SLC39A14: variants seen among roughly 807,000 people sequenced by gnomAD.
SLC39A14 encodes the protein metal cation symporter ZIP14.
A neutral mutation model predicts 45.5 loss-of-function variants in SLC39A14; 19 were observed. The observed-to-expected ratio is 0.42, with a 90% CI of 0.29 to 0.61. The LOEUF (loss-of-function observed/expected upper bound fraction) is 0.61. Ranked by LOEUF, SLC39A14 falls within the 20% of genes least tolerant of loss-of-function variation. SLC39A14 has a pLI of 0.22. For missense variants in SLC39A14, 447 were observed against 616.5 expected (o/e 0.73, Z 2.91); for synonymous variants, 264 against 251.3 (o/e 1.05, Z -0.48).
chr8:22,425,889 G>GTTTTT (rs549782856), downstream of SLC39A14, among the ~76,000 whole-genome samples: 6 of 76,270 alleles, frequency 7.9e-5, no homozygotes, highest in South Asian at 6.1e-4. Context: ...GATGGTTTTT[G>GTTTTT]TTTTTTTTTT....
chr8:22,404,591 G>A (rs1258215546), intron 1 of SLC39A14, 105 bp from the exon 2 acceptor site: 1 of 1,065,440 alleles, frequency 9.4e-7, no homozygotes, highest in African/African-American at 1.6e-5. Context: ...GAGAAGCAGA[G>A]ACTGAGGGAT....
chr8:22,429,250 C>G (rs193249750), intron 8 of SLC39A14, among the ~76,000 whole-genome samples: 202 of 152,104 alleles, frequency 1.3e-3, no homozygotes, highest in African/African-American at 4.7e-3. Context: ...CCAGCCTGGG[C>G]GACAGAGCCA....
intron 5 of SLC39A14, 60 bp from the exon 6 acceptor site, chr8:22,415,708 GC>G: frequency 2.0e-6 from 3 of 1,511,944 alleles, no homozygotes; most frequent in Admixed American, 4.2e-5. Flanking sequence ...TGGAGCAGGT[GC>G]TCAATCAGGT....
chr8:22,415,425 T>C (rs952923292), intron 5 of SLC39A14: 1 of 226,314 alleles, frequency 4.4e-6, no homozygotes, highest in African/African-American at 2.3e-5. Flanking sequence ...AGCTTTGATA[T>C]CTGTCTGACA....
chr8:22,425,791 A>ATGG (rs2132397796), downstream of SLC39A14, among the ~76,000 whole-genome samples: 1 of 129,966 alleles, frequency 7.7e-6, no homozygotes, highest in South Asian at 3.0e-4. Context: ...AGATTCCAAG[A>ATGG]TGGTAGCATC....
chr8:22,417,579 C>G (rs957216601), intron 7 of SLC39A14, 72 bp from the exon 8 acceptor site: 3 of 1,280,500 alleles, frequency 2.3e-6, no homozygotes, highest in South Asian at 2.7e-5. Context: ...GCTGGGATGA[C>G]AGGTGTGCAT....
intron 1 of SLC39A14, among the ~76,000 whole-genome samples, chr8:22,374,283 T>C (rs1201389547): frequency 6.6e-6 from 1 of 152,088 alleles, no homozygotes; most frequent in Non-Finnish European, 1.5e-5. Context: ...GGCGCTCAGC[T>C]AAGAGAGCTG....
At chr8:22,416,035 T>C in intron 6 of SLC39A14, 38 bp from the exon 7 acceptor site, 1 of 1,611,770 alleles carries the variant, frequency 6.2e-7, no homozygotes, top group South Asian at 1.1e-5. Context: ...TGGTCCAGCC[T>C]TTGACGCTGT....
chr8:22,415,519 C>T (rs1446566824), intron 5 of SLC39A14: 11 of 422,372 alleles, frequency 2.6e-5, no homozygotes, highest in Non-Finnish European at 4.6e-5. Flanking sequence ...TGCTCTCAAA[C>T]TTCTCAGCTC....
At chr8:22,402,268 C>T (rs1834916351) in intron 1 of SLC39A14, among the ~76,000 whole-genome samples, 1 of 152,062 alleles carries the variant, frequency 6.6e-6, no homozygotes, top group Admixed American at 6.5e-5. Context: ...GCCTGTAGTC[C>T]CAGCTACTTG....
At chr8:22,382,283 C>T (rs965705526) in intron 1 of SLC39A14, among the ~76,000 whole-genome samples, 19 of 152,036 alleles carry the variant, frequency 1.2e-4, no homozygotes, top group African/African-American at 4.3e-4. Context: ...AATTTTTAAC[C>T]TATCAAATTA....
intron 1 of SLC39A14, among the ~76,000 whole-genome samples, chr8:22,379,124 CG>C (rs1227467061): frequency 3.3e-5 from 5 of 152,182 alleles, no homozygotes; most frequent in African/African-American, 1.2e-4. Context: ...TCTGTCTTCA[CG>C]TGGCCTTCCC....
chr8:22,422,730 T>C lies in SLC39A14; in HGVS notation c.*3032T>C, dbSNP rs1198454735. The stretch of plus-strand genomic sequence containing the variant: ...CAATAAATGTGGATGTAATGAAGGC[T>C]GTTGAACACAAGGTGGCGATGGTGT... On this transcript the variant is annotated 3_prime_UTR_variant, in exon 9 of 9. Coordinates refer to ENST00000381237, the MANE Select transcript of SLC39A14 (RefSeq NM_001128431.4). 3 of 984,970 alleles carry C rather than the reference T, an allele frequency of 3.0e-6. No homozygotes were observed. The highest frequency in any genetic ancestry group is 3.5e-5 in the African/African-American group (2 of 57,248). The allele number at this position is 984,970 out of a possible 1,614,324, so 61.0% of individuals were successfully genotyped here.
intron 1 of SLC39A14, among the ~76,000 whole-genome samples, chr8:22,384,273 G>T (rs947851886): frequency 1.3e-5 from 2 of 152,138 alleles, no homozygotes; most frequent in Non-Finnish European, 2.9e-5. Flanking sequence ...GCCTGTACTT[G>T]TGGACTTTCC....
intron 1 of SLC39A14, among the ~76,000 whole-genome samples, chr8:22,383,358 C>T (rs1297771746): frequency 1.3e-5 from 2 of 152,100 alleles, no homozygotes; most frequent in Admixed American, 6.6e-5. Context: ...CTCATCCACC[C>T]GCACAGGGAT....
At chr8:22,426,429 GCAATC>G (rs1427426047), downstream of SLC39A14, among the ~76,000 whole-genome samples, 11 of 152,126 alleles carry the variant, frequency 7.2e-5, no homozygotes, top group African/African-American at 2.7e-4. Context: ...CAGGGCTCAA[GCAATC>G]CTCCTGACTA....
At chr8:22,407,274 A>G (rs2132320805) in intron 2 of SLC39A14, among the ~76,000 whole-genome samples, 1 of 152,346 alleles carries the variant, frequency 6.6e-6, no homozygotes, top group Middle Eastern at 3.4e-3. Flanking sequence ...GCATTTTAAC[A>G]TAATAGCTCC....
At position 22,382,063 on chromosome 8, in the gene SLC39A14, C is replaced by G. The variant is rs184174079; in HGVS notation, c.-16+14655C>G. ...GGCTGAGGCAGGAGAATCGCCTAAA[C>G]CCAGGGAGGGGGAGGTTGCAGTGAG... On this transcript the variant is annotated intron_variant, in intron 1 of 8. Coordinates refer to ENST00000381237, the MANE Select transcript of SLC39A14 (RefSeq NM_001128431.4). Among the ~76,000 whole-genome samples, 1,089 of 152,030 alleles carry G rather than the reference C, an allele frequency of 7.2e-3. 12 individuals are homozygous for G. Among genetic ancestry groups the G allele is most frequent in the African/African-American group, 0.025 (1,038 of 41,462 alleles).
chr8:22,409,850 C>G, intron 3 of SLC39A14: 2 of 1,272,528 alleles, frequency 1.6e-6, no homozygotes, highest in Non-Finnish European at 2.2e-6. Context: ...TCAGTCTGCC[C>G]CATCACACCT....
Sources: allele counts gnomAD v4.1 joint callset (sites outside exome capture counted in the v4.1 genomes callset), GRCh38; gene constraint gnomAD v4.1.1; transcripts MANE v1.5; gene names NCBI Gene and HGNC (gene_info 2026-07-23, HGNC 2026-07-21).